DCHS2: variants seen among roughly 807,000 people sequenced by gnomAD.
DCHS2 encodes dachsous cadherin-related 2, also known as protocadherin-23.
In DCHS2, 142 loss-of-function variants were observed where a neutral mutation model predicts 182.4. The observed-to-expected ratio is 0.78, with a 90% confidence interval of 0.68 to 0.89. The LOEUF (loss-of-function observed/expected upper bound fraction) is 0.89, where lower values mean the gene tolerates loss of function less well. DCHS2 is among the 40% of genes least tolerant of loss of function. The probability of loss-of-function intolerance (pLI) is 0.00; values close to 1 mark genes in which losing one functional copy is unlikely to be tolerated. For synonymous variants in DCHS2, 1,740 were observed against 1,663.3 expected (o/e 1.05, Z -1.12); for missense variants, 4,319 against 4,198.6 (o/e 1.03, Z -0.79).
At chr4:154,411,359 G>A (rs6818438) in intron 1 of DCHS2, among the ~76,000 whole-genome samples, 45,532 of 152,046 alleles carry the variant, frequency 0.3, 8,737 homozygotes, top group East Asian at 0.65. Flanking sequence ...AGTACTTTGG[G>A]AGGCCGAGGT....
chr4:154,299,092 A>T (rs77775832), intron 12 of DCHS2, among the ~76,000 whole-genome samples: 7 of 151,884 alleles, frequency 4.6e-5, no homozygotes, highest in Admixed American at 2.0e-4. Flanking sequence ...AGATGAGGAT[A>T]AAAAAAACAG....
chr4:154,314,652 A>C (rs1251395555), intron 10 of DCHS2, among the ~76,000 whole-genome samples: 1 of 152,194 alleles, frequency 6.6e-6, no homozygotes, highest in Admixed American at 6.5e-5. Context: ...TTAAATTAAC[A>C]ATGTACAAGG....
At chr4:154,311,268 T>C (rs1735660648) in intron 10 of DCHS2, among the ~76,000 whole-genome samples, 1 of 152,208 alleles carries the variant, frequency 6.6e-6, no homozygotes, top group Non-Finnish European at 1.5e-5. Flanking sequence ...CATCTCACTC[T>C]GCCACCCAGG....
At chr4:154,282,453 A>G (rs553832402) in intron 13 of DCHS2, among the ~76,000 whole-genome samples, 1 of 152,150 alleles carries the variant, frequency 6.6e-6, no homozygotes, top group Non-Finnish European at 1.5e-5. Flanking sequence ...TCAAAACCAC[A>G]AGATATTACC....
In DCHS2 at chr4:154,491,402, T is replaced by C. The variant is rs1656870441; in HGVS notation, c.-47A>G. ...AGGCTCTCGGGTAACTGCCAGCTTG[T>C]GGCAGGATCGCAGAAAAATCCAGGA... On this transcript the variant is annotated 5_prime_UTR_variant, in exon 1 of 20. Transcript: ENST00000357232. The C allele has an allele frequency of 3.4e-6, 5 of 1,451,254 alleles. No individual in the cohort carries two copies. The highest frequency in any genetic ancestry group is 3.6e-6 in the Non-Finnish European group (4 of 1,101,746). The allele number at this position is 1,451,254 out of a possible 1,614,324, so 89.9% of individuals were successfully genotyped here. A position where few individuals can be genotyped will look rare whatever the true frequency, so the allele number is the denominator to read the frequency against.
intron 1 of DCHS2, among the ~76,000 whole-genome samples, chr4:154,426,043 C>G (rs146673165): frequency 6.6e-6 from 1 of 152,086 alleles, no homozygotes; most frequent in South Asian, 2.1e-4. Flanking sequence ...TCCTTGATTG[C>G]CCTCTTGGCC....
At chr4:154,409,124 T>C (rs1484594797) in intron 1 of DCHS2, among the ~76,000 whole-genome samples, 2 of 152,138 alleles carry the variant, frequency 1.3e-5, no homozygotes, top group Non-Finnish European at 2.9e-5. Flanking sequence ...CTCAGACACC[T>C]AGTCCTACAG....
At chr4:154,457,761 T>C (rs1734831048) in intron 1 of DCHS2, among the ~76,000 whole-genome samples, 1 of 152,184 alleles carries the variant, frequency 6.6e-6, no homozygotes, top group African/African-American at 2.4e-5. Flanking sequence ...AAAGCACAAA[T>C]TGCTTCTCTC....
At chr4:154,319,947 C>T (rs62331872) in intron 9 of DCHS2, among the ~76,000 whole-genome samples, 21,307 of 151,784 alleles carry the variant, frequency 0.14, 1,695 homozygotes, top group South Asian at 0.22. Context: ...AAATGTTAAT[C>T]GGCAGATGAA....
Position 154,259,654 on chromosome 4 carries a change from T to C in DCHS2, c.6680A>G (p.Lys2227Arg). The C allele has an allele frequency of 6.2e-7, 1 of 1,614,052 alleles. No individual in the cohort carries two copies. Among genetic ancestry groups the C allele is most frequent in the Non-Finnish European group, 8.5e-7 (1 of 1,180,008 alleles). Residue 2227 changes from lysine (K) to arginine (R), a missense_variant, in exon 15 of 20, where the codon AAA becomes AGA. By Grantham distance (26) the Lys-to-Arg change is conservative (BLOSUM62 2). Transcript: ENST00000357232. ...AESSGHRAYC[K>R]VAVLIQDEND... The stretch of plus-strand genomic sequence containing the variant: ...CTCATCCTGTATCAAGACTGCTACT[T>C]TGCAATAGGCTCTATGCCCACTACT...
At chr4:154,255,259 A>G (rs542318333) in intron 16 of DCHS2, among the ~76,000 whole-genome samples, 109 of 152,352 alleles carry the variant, frequency 7.2e-4, no homozygotes, top group African/African-American at 2.5e-3. Context: ...GCTTAATAGC[A>G]TCACAAATTC....
chr4:154,305,075 GCCTACTCAAAGAATC>G lies in DCHS2; in HGVS notation c.5395+7_5395+21del. On this transcript the variant is annotated splice_region_variant and intron_variant, in intron 11 of 19. Coordinates refer to ENST00000357232, the MANE Select transcript of DCHS2 (RefSeq NM_001358235.2). Reference sequence around the variant, plus strand: ...TTTAATTTTTAATTTTTATTTTTTAGCCTACTCAAAGAATCCCTTACCTCGAAGGGTGAAGACTTC... The same window carrying G: ...TTTAATTTTTAATTTTTATTTTTTAGCCTTACCTCGAAGGGTGAAGACTTC... 1 of 1,574,928 alleles carries G rather than the reference GCCTACTCAAAGAATC, an allele frequency of 6.3e-7. No homozygotes were observed. The highest frequency in any genetic ancestry group is 2.0e-5 in the Admixed American group (1 of 50,588).
At chr4:154,282,465 T>C (rs912182511) in intron 13 of DCHS2, among the ~76,000 whole-genome samples, 4 of 151,872 alleles carry the variant, frequency 2.6e-5, no homozygotes, top group African/African-American at 9.7e-5. Flanking sequence ...GATATTACCT[T>C]ATACCCATTA....
At chr4:154,288,341 T>C (rs887210369) in intron 13 of DCHS2, among the ~76,000 whole-genome samples, 10 of 152,142 alleles carry the variant, frequency 6.6e-5, no homozygotes, top group African/African-American at 2.4e-4. Flanking sequence ...CATTATGCAA[T>C]GATGAATCAA....
rs145088730 is a variant in DCHS2 at position 154,366,956 on chromosome 4, G to A, written c.2245-515C>T. 7.8e-3 allele frequency among the ~76,000 whole-genome samples: 1,189 copies of A among 152,308 alleles called. 10 individuals are homozygous for A. Among genetic ancestry groups the A allele is most frequent in the Middle Eastern group, 0.017 (5 of 294 alleles). On this transcript the variant is annotated intron_variant, in intron 2 of 19. Coordinates refer to ENST00000357232, the MANE Select transcript of DCHS2 (RefSeq NM_001358235.2). The stretch of plus-strand genomic sequence containing the variant: ...AGCATGGGCAGGGGGGTGCCCTGGT[G>A]AAGCCTTCACTAGGAAGGTACCATT...
At chr4:154,269,025 A>G (rs1733439833) in intron 14 of DCHS2, 1 of 152,132 alleles carries the variant, frequency 6.6e-6, no homozygotes, top group South Asian at 2.1e-4. Flanking sequence ...GAAAATTAAG[A>G]CTTGGTGATG....
At chr4:154,478,847 C>T (rs1735800750) in intron 1 of DCHS2, among the ~76,000 whole-genome samples, 1 of 152,148 alleles carries the variant, frequency 6.6e-6, no homozygotes, top group Non-Finnish European at 1.5e-5. Flanking sequence ...CCTGCTAAAA[C>T]AAAAACATCA....
Position 154,269,985 on chromosome 4 carries a change from A to C in DCHS2, c.6492T>G (p.Phe2164Leu). The C allele has an allele frequency of 6.2e-7, 1 of 1,611,684 alleles. No homozygotes were observed. Among genetic ancestry groups the C allele is most frequent in the Non-Finnish European group, 8.5e-7 (1 of 1,178,936 alleles). The change falls in exon 14 of 20, where the codon TTT (phenylalanine) becomes TTG (leucine). Residue 2164 changes from phenylalanine to leucine, a missense_variant. Coordinates refer to ENST00000357232, the MANE Select transcript of DCHS2 (RefSeq NM_001358235.2). ...AGTSIVTVKA[F>L]APDSIQDSMK... ...TGCTGTCCTGAATTGAGTCAGGAGC[A>C]AAAGCTTTAACAGTCACAATAGAAG... is the stretch of plus-strand genomic sequence containing the variant.
In DCHS2 at chr4:154,332,870, G is replaced by C; in HGVS notation, c.3338C>G (p.Pro1113Arg). Residue 1113 changes from proline (P) to arginine (R), a missense_variant, in exon 5 of 20, where the codon CCC becomes CGC. Pro to Arg is a moderately radical substitution (Grantham distance 103). Coordinates refer to ENST00000357232, the MANE Select transcript of DCHS2 (RefSeq NM_001358235.2). Reference protein sequence around the residue: ...MLQTQAHPLGPQRAASPLRYS... With the variant: ...MLQTQAHPLGRQRAASPLRYS... ...CCTAAGAGGCGAGGCTGCACGCTGG[G>C]GGCCAAGTGGGTGCGCCTGTGTTTG... 1 of 1,614,188 alleles carries C rather than the reference G, an allele frequency of 6.2e-7. No individual in the cohort carries two copies. Among genetic ancestry groups the C allele is most frequent in the Non-Finnish European group, 8.5e-7 (1 of 1,180,038 alleles).
Sources: allele counts gnomAD v4.1 joint callset (sites outside exome capture counted in the v4.1 genomes callset), GRCh38; gene constraint gnomAD v4.1.1; transcripts MANE v1.5; gene names NCBI Gene and HGNC (gene_info 2026-07-23, HGNC 2026-07-21).